Variants in WLS observed in about 807,000 individuals in gnomAD.
The protein encoded by WLS is protein wntless homolog.
Under a neutral mutation model 62.8 loss-of-function variants are expected in WLS, and 23 were observed. The observed-to-expected ratio is 0.37, with a 90% confidence interval of 0.26 to 0.52. The LOEUF is 0.52. Among genes scored for constraint, WLS ranks in the 20% least tolerant of loss-of-function variants. WLS has a pLI of 0.92. For synonymous variants in WLS, 246 were observed against 244.1 expected (o/e 1.01, Z -0.07); for missense variants, 615 against 697.3 (o/e 0.88, Z 1.33).
At chr1:68,181,448 G>T (rs1474263993) in intron 2 of WLS, among the ~76,000 whole-genome samples, 3 of 152,162 alleles carry the variant, frequency 2.0e-5, no homozygotes, top group Non-Finnish European at 4.4e-5. Context: ...TGCAGCTGTG[G>T]CACTATAAAC....
chr1:68,226,127 T>C (rs1650128928), intron 1 of WLS, among the ~76,000 whole-genome samples: 1 of 152,216 alleles, frequency 6.6e-6, no homozygotes, highest in Admixed American at 6.5e-5. Flanking sequence ...TTCTTCCTTT[T>C]GATGTTACCT....
intron 1 of WLS, among the ~76,000 whole-genome samples, chr1:68,208,433 T>C (rs1649373906): frequency 6.6e-6 from 1 of 152,004 alleles, no homozygotes. Context: ...AGGGGATAGG[T>C]AGAAGATATG....
intron 11 of WLS, among the ~76,000 whole-genome samples, chr1:68,135,305 CTTTTTTTTTTTTTT>C (rs71581156): frequency 9.0e-5 from 6 of 66,762 alleles, no homozygotes; most frequent in Non-Finnish European, 1.3e-4. Context: ...CCATGCCTGG[CTTTTTTTTTTTTTT>C]TTTTTTTTTT....
At chr1:68,152,951 C>T (rs17130533) in intron 5 of WLS, among the ~76,000 whole-genome samples, 6,288 of 152,140 alleles carry the variant, frequency 0.041, 172 homozygotes, top group Middle Eastern at 0.095. Context: ...ATTCTGACCA[C>T]GGAATATCCC....
intron 1 of WLS, among the ~76,000 whole-genome samples, chr1:68,205,676 T>C (rs866709487): frequency 2.4e-4 from 37 of 152,316 alleles, no homozygotes; most frequent in African/African-American, 7.5e-4. Context: ...TAAGAACACA[T>C]GTAGGGAAGA....
At chr1:68,221,673 T>A (rs548154151) in intron 1 of WLS, among the ~76,000 whole-genome samples, 2 of 152,322 alleles carry the variant, frequency 1.3e-5, no homozygotes, top group South Asian at 4.1e-4. Flanking sequence ...TCATAAAACA[T>A]GGAACGTAAC....
chr1:68,118,552 G>A (rs1646323462), intron 11 of WLS, among the ~76,000 whole-genome samples: 1 of 152,102 alleles, frequency 6.6e-6, no homozygotes, highest in South Asian at 2.1e-4. Context: ...TAGGGATATT[G>A]TTTACTGATC....
chr1:68,176,896 A>G (rs982947986), intron 2 of WLS, among the ~76,000 whole-genome samples: 1 of 152,214 alleles, frequency 6.6e-6, no homozygotes, highest in African/African-American at 2.4e-5. Context: ...GAGGAGATGC[A>G]TAATCAACGT....
chr1:68,108,142 G>T (rs1176907641), intron 11 of WLS, among the ~76,000 whole-genome samples: 2 of 152,136 alleles, frequency 1.3e-5, no homozygotes. Context: ...TCTGACAATA[G>T]CTCTGTGCTG....
chr1:68,196,767 C>T (rs1479523965), intron 1 of WLS, among the ~76,000 whole-genome samples: 2 of 152,126 alleles, frequency 1.3e-5, no homozygotes, highest in Non-Finnish European at 2.9e-5. Flanking sequence ...CTGCTACAGA[C>T]GTTTTTCTTT....
intron 2 of WLS, among the ~76,000 whole-genome samples, chr1:68,172,586 A>G (rs951518705): frequency 6.6e-6 from 1 of 152,202 alleles, no homozygotes; most frequent in African/African-American, 2.4e-5. Context: ...TTTGTACTGC[A>G]TTAGAAGTAT....
intron 11 of WLS, among the ~76,000 whole-genome samples, chr1:68,105,118 T>C (rs936258269): frequency 6.6e-6 from 1 of 152,232 alleles, no homozygotes; most frequent in Non-Finnish European, 1.5e-5. Context: ...CCTTTATTAA[T>C]GTCTATTCTC....
intron 11 of WLS, among the ~76,000 whole-genome samples, chr1:68,128,823 C>G (rs562024607): frequency 1.1e-3 from 175 of 152,220 alleles, no homozygotes; most frequent in Non-Finnish European, 1.8e-3. Flanking sequence ...CCCATTCTGC[C>G]GATGAAGAAA....
intron 6 of WLS, among the ~76,000 whole-genome samples, chr1:68,149,394 TTAATG>T (rs1646795754): frequency 6.6e-6 from 1 of 152,098 alleles, no homozygotes; most frequent in African/African-American, 2.4e-5. Context: ...GAAAGACCCC[TTAATG>T]TAGACAGTTT....
At chr1:68,217,045 C>T (rs536743101) in intron 1 of WLS, among the ~76,000 whole-genome samples, 3 of 152,324 alleles carry the variant, frequency 2.0e-5, no homozygotes, top group African/African-American at 4.8e-5. Flanking sequence ...AAGAAGTACA[C>T]TGAAGTTCTT....
chr1:68,111,108 G>A (rs1570804771), intron 11 of WLS, among the ~76,000 whole-genome samples: 1 of 152,264 alleles, frequency 6.6e-6, no homozygotes, highest in Non-Finnish European at 1.5e-5. Flanking sequence ...AATCTTGACC[G>A]TGGTCTTAAG....
chr1:68,123,388 C>T (rs1646386915), downstream of WLS, among the ~76,000 whole-genome samples: 1 of 151,940 alleles, frequency 6.6e-6, no homozygotes, highest in South Asian at 2.1e-4. Context: ...ACCTTATCTT[C>T]TTCCCCTTTC....
intron 11 of WLS, among the ~76,000 whole-genome samples, chr1:68,114,406 C>T (rs1201920134): frequency 6.6e-6 from 1 of 152,144 alleles, no homozygotes; most frequent in Non-Finnish European, 1.5e-5. Context: ...ATATATTCCA[C>T]AGGTGTCAAG....
chr1:68,128,482 G>A (rs1434624947), intron 11 of WLS, among the ~76,000 whole-genome samples: 1 of 152,168 alleles, frequency 6.6e-6, no homozygotes, highest in African/African-American at 2.4e-5. Flanking sequence ...CCACCCCAGT[G>A]GACCCATTAG....
Sources: allele counts gnomAD v4.1 joint callset (sites outside exome capture counted in the v4.1 genomes callset), GRCh38; gene constraint gnomAD v4.1.1; transcripts MANE v1.5; gene names NCBI Gene and HGNC (gene_info 2026-07-23, HGNC 2026-07-21).